Variants in NKAIN2 observed in about 807,000 individuals in gnomAD.
The protein encoded by NKAIN2 is sodium/potassium transporting ATPase interacting 2, also known as sodium/potassium-transporting ATPase subunit beta-1-interacting protein 2.
In NKAIN2, 14 loss-of-function variants were observed where a neutral mutation model predicts 32.6. That is an observed-to-expected ratio of 0.43 (90% CI 0.28 to 0.67). The LOEUF is 0.67. Ranked by LOEUF, NKAIN2 falls within the 30% of genes least tolerant of loss-of-function variation. The pLI, the probability that NKAIN2 is intolerant of heterozygous loss-of-function variation, is 0.17. For synonymous variants in NKAIN2, 80 were observed against 87.2 expected, an observed-to-expected ratio of 0.92 and a Z score of 0.46; for missense variants, 198 against 258.3, an observed-to-expected ratio of 0.77 and a Z score of 1.60.
chr6:123,998,026 C>T (rs1779703315), intron 1 of NKAIN2, among the ~76,000 whole-genome samples: 1 of 152,136 alleles, frequency 6.6e-6, no homozygotes, highest in African/African-American at 2.4e-5. Context: ...CTCCATACTC[C>T]ATGACTCAAT....
chr6:123,873,957 C>A (rs946518969), intron 1 of NKAIN2, among the ~76,000 whole-genome samples: 1 of 151,722 alleles, frequency 6.6e-6, no homozygotes, highest in African/African-American at 2.4e-5. Flanking sequence ...ATTGTTAAAA[C>A]AATGTTTTGA....
intron 3 of NKAIN2, among the ~76,000 whole-genome samples, chr6:124,454,685 T>C (rs919993097): frequency 1.3e-5 from 2 of 151,996 alleles, no homozygotes. Flanking sequence ...GCTTGGAAAT[T>C]TATTGAATTA....
At chr6:124,100,941 T>G (rs1428159047) in intron 1 of NKAIN2, among the ~76,000 whole-genome samples, 2 of 152,210 alleles carry the variant, frequency 1.3e-5, no homozygotes, top group Non-Finnish European at 2.9e-5. Context: ...GACAATTTTA[T>G]GTCTGAGTGA....
chr6:124,347,046 T>C (rs1798460453), intron 2 of NKAIN2, among the ~76,000 whole-genome samples: 1 of 151,908 alleles, frequency 6.6e-6, no homozygotes, highest in African/African-American at 2.4e-5. Flanking sequence ...ACAAAATCTC[T>C]CAGCATTTGC....
At chr6:123,865,931 A>C (rs1775964463) in intron 1 of NKAIN2, among the ~76,000 whole-genome samples, 1 of 152,248 alleles carries the variant, frequency 6.6e-6, no homozygotes, top group Non-Finnish European at 1.5e-5. Context: ...ACAATGTAAC[A>C]AAATGTATTT....
intron 1 of NKAIN2, among the ~76,000 whole-genome samples, chr6:124,209,374 A>C (rs1791057277): frequency 1.3e-5 from 2 of 151,724 alleles, no homozygotes; most frequent in Non-Finnish European, 3.0e-5. Context: ...ATGGACACTT[A>C]AATTGATTCC....
intron 3 of NKAIN2, among the ~76,000 whole-genome samples, chr6:124,555,700 A>T (rs1023640194): frequency 1.3e-5 from 2 of 152,216 alleles, no homozygotes; most frequent in African/African-American, 4.8e-5. Flanking sequence ...TAGAAGACAA[A>T]TACAGTAAAA....
chr6:123,839,431 G>T (rs1377452267), intron 1 of NKAIN2, among the ~76,000 whole-genome samples: 1 of 152,002 alleles, frequency 6.6e-6, no homozygotes, highest in East Asian at 1.9e-4. Context: ...ATGCTTAAGT[G>T]TGTCTATAAA....
chr6:124,310,963 A>C (rs572567680), intron 2 of NKAIN2, among the ~76,000 whole-genome samples: 1 of 152,344 alleles, frequency 6.6e-6, no homozygotes, highest in Admixed American at 6.5e-5. Flanking sequence ...ACTCATTAAT[A>C]AAGAAACAAA....
chr6:124,107,699 C>T (rs986624420), intron 1 of NKAIN2, among the ~76,000 whole-genome samples: 2 of 151,970 alleles, frequency 1.3e-5, no homozygotes, highest in African/African-American at 2.4e-5. Context: ...CTCTTATTTC[C>T]CCACCTCTCT....
chr6:124,005,847 T>C (rs1283935615), intron 1 of NKAIN2, among the ~76,000 whole-genome samples: 2 of 152,192 alleles, frequency 1.3e-5, no homozygotes, highest in African/African-American at 4.8e-5. Flanking sequence ...TTGGTCAATC[T>C]ATCACTAACC....
chr6:124,550,985 C>T (rs1780265909), intron 3 of NKAIN2, among the ~76,000 whole-genome samples: 1 of 152,070 alleles, frequency 6.6e-6, no homozygotes, highest in Non-Finnish European at 1.5e-5. Context: ...AGTAGAATTG[C>T]AAGGCTTTAT....
At chr6:124,465,488 G>A (rs113709447) in intron 3 of NKAIN2, among the ~76,000 whole-genome samples, 3 of 151,990 alleles carry the variant, frequency 2.0e-5, no homozygotes, top group African/African-American at 7.2e-5. Flanking sequence ...TCAGGGGGTG[G>A]GGGCTAGATG....
chr6:124,275,972 G>A (rs2114896115), intron 1 of NKAIN2, among the ~76,000 whole-genome samples: 1 of 152,138 alleles, frequency 6.6e-6, no homozygotes, highest in African/African-American at 2.4e-5. Flanking sequence ...GGGATTCATA[G>A]AGATTAGTGG....
At chr6:123,854,808 C>T (rs993863930) in intron 1 of NKAIN2, among the ~76,000 whole-genome samples, 2 of 152,172 alleles carry the variant, frequency 1.3e-5, no homozygotes, top group African/African-American at 4.8e-5. Flanking sequence ...ATCAGAAGGT[C>T]ATTAACTTTA....
At chr6:123,948,945 A>G (rs9482491) in intron 1 of NKAIN2, among the ~76,000 whole-genome samples, 4,449 of 151,926 alleles carry the variant, frequency 0.029, 187 homozygotes, top group African/African-American at 0.096. Flanking sequence ...CGGATATAGC[A>G]AGAGAAAGGA....
intron 3 of NKAIN2, among the ~76,000 whole-genome samples, chr6:124,653,934 C>A (rs1252580808): frequency 1.3e-5 from 2 of 151,826 alleles, no homozygotes; most frequent in Admixed American, 6.6e-5. Context: ...AAACAGATGG[C>A]AAATAAGTAT....
intron 1 of NKAIN2, among the ~76,000 whole-genome samples, chr6:124,262,710 T>C (rs142372963): frequency 1.3e-5 from 2 of 152,246 alleles, no homozygotes; most frequent in South Asian, 2.1e-4. Flanking sequence ...TAGGCTAGAA[T>C]TGTATTTTAG....
At chr6:124,089,591 T>C (rs1029372265) in intron 1 of NKAIN2, among the ~76,000 whole-genome samples, 6 of 152,024 alleles carry the variant, frequency 3.9e-5, no homozygotes, top group Middle Eastern at 3.4e-3. Flanking sequence ...TGCTTCCTTC[T>C]CTATACAACC....
Sources: allele counts gnomAD v4.1 joint callset (sites outside exome capture counted in the v4.1 genomes callset), GRCh38; gene constraint gnomAD v4.1.1; transcripts MANE v1.5; gene names NCBI Gene and HGNC (gene_info 2026-07-23, HGNC 2026-07-21).